The following SNX24 variants were observed in gnomAD, a reference collection of about 807,000 sequenced individuals.
The protein encoded by SNX24 is sorting nexin 24, also known as sorting nexin-24.
SNX24 carries 22 observed loss-of-function variants against 28.7 expected under a neutral mutation model. That is an observed-to-expected ratio of 0.77 (90% CI 0.55 to 1.10). The LOEUF (loss-of-function observed/expected upper bound fraction) is 1.10, where lower values mean the gene tolerates loss of function less well. Among genes scored for constraint, SNX24 ranks in the 50% least tolerant of loss-of-function variants. The probability of loss-of-function intolerance (pLI) is 0.00; values close to 1 mark genes in which losing one functional copy is unlikely to be tolerated. For synonymous variants in SNX24, 69 were observed against 71.5 expected (o/e 0.96, Z 0.18); for missense variants, 221 against 201.1 (o/e 1.10, Z -0.60).
In SNX24 at chr5:123,023,807, AACACACACAC is replaced by A. The variant is rs70988555; in HGVS notation, n.384-5410_384-5401del. 1.7e-4 allele frequency: 221 copies of A among 1,294,936 alleles called. 1 individual carries two copies. Among genetic ancestry groups the A allele is most frequent in the Admixed American group, 2.3e-4 (9 of 38,426 alleles). The allele number at this position is 1,294,936 out of a possible 1,614,324, so 80.2% of individuals were successfully genotyped here. ...AAAGCAAATAATTGAAAGACAACAC[AACACACACAC>A]ACACACACACACACACACACCCCTG... On this transcript the variant is annotated intron_variant and non_coding_transcript_variant, in intron 5 of 5. Transcript: ENST00000502387.
chr5:122,982,798 C>G (rs550847320), intron 3 of SNX24, among the ~76,000 whole-genome samples: 36 of 152,262 alleles, frequency 2.4e-4, no homozygotes, highest in Non-Finnish European at 5.0e-4. Flanking sequence ...AGAATAAAAA[C>G]TGACATTAAA....
chr5:122,857,733 C>G (rs1755266168), intron 1 of SNX24, among the ~76,000 whole-genome samples: 1 of 152,132 alleles, frequency 6.6e-6, no homozygotes, highest in African/African-American at 2.4e-5. Flanking sequence ...CTGCAAAGGA[C>G]ATTCTCTCAT....
intron 1 of SNX24, among the ~76,000 whole-genome samples, chr5:122,925,270 C>G (rs544599646): frequency 7.4e-6 from 1 of 135,616 alleles, no homozygotes; most frequent in South Asian, 2.9e-4. Flanking sequence ...TTCCCCTCCC[C>G]CTTCTCCTTT....
chr5:123,015,901 G>A (rs886990410), intron 5 of SNX24, among the ~76,000 whole-genome samples: 6 of 152,116 alleles, frequency 3.9e-5, no homozygotes, highest in African/African-American at 1.4e-4. Context: ...GCAGTCCAGT[G>A]CTCAGCAACT....
chr5:122,864,806 C>G (rs913045735), intron 1 of SNX24, among the ~76,000 whole-genome samples: 4 of 152,252 alleles, frequency 2.6e-5, no homozygotes, highest in African/African-American at 9.6e-5. Flanking sequence ...AGCTGCATGA[C>G]TCCTAAACCA....
intron 3 of SNX24, among the ~76,000 whole-genome samples, chr5:122,983,948 A>G (rs1334102380): frequency 6.6e-6 from 1 of 152,244 alleles, no homozygotes; most frequent in East Asian, 1.9e-4. Flanking sequence ...TCATCAGATT[A>G]CTAACAGAAG....
At chr5:122,942,957 A>T (rs1759525065) in intron 2 of SNX24, among the ~76,000 whole-genome samples, 1 of 152,174 alleles carries the variant, frequency 6.6e-6, no homozygotes, top group Admixed American at 6.5e-5. Flanking sequence ...AATTTTTTTT[A>T]AAAGGAGAGA....
intron 1 of SNX24, among the ~76,000 whole-genome samples, chr5:122,867,265 G>A (rs1184604147): frequency 6.6e-6 from 1 of 152,152 alleles, no homozygotes; most frequent in African/African-American, 2.4e-5. Context: ...CACTTCATTT[G>A]CTATGAAATC....
At chr5:122,850,723 T>C (rs553603273) in intron 1 of SNX24, among the ~76,000 whole-genome samples, 15 of 151,580 alleles carry the variant, frequency 9.9e-5, no homozygotes, top group African/African-American at 3.4e-4. Context: ...TATTTGATTT[T>C]GGAGTCTAGG....
intron 1 of SNX24, among the ~76,000 whole-genome samples, chr5:122,897,875 G>A (rs1280780564): frequency 6.6e-6 from 1 of 152,024 alleles, no homozygotes; most frequent in African/African-American, 2.4e-5. Context: ...TCCCTGTCCT[G>A]TTCACCCCTT....
intron 1 of SNX24, among the ~76,000 whole-genome samples, chr5:122,873,346 C>T (rs888261559): frequency 6.6e-6 from 1 of 152,112 alleles, no homozygotes; most frequent in Non-Finnish European, 1.5e-5. Context: ...TAGAAAAATT[C>T]TATGAAGCTG....
chr5:122,936,946 A>G (rs30042), intron 2 of SNX24, 129 bp downstream of exon 2: 371,547 of 476,220 alleles, frequency 0.78, 147,152 homozygotes, highest in East Asian at 1. Flanking sequence ...CTTTTATCAT[A>G]AAGTAAATTT....
At chr5:123,021,163 C>A (rs1345203596) in intron 5 of SNX24, among the ~76,000 whole-genome samples, 1 of 152,036 alleles carries the variant, frequency 6.6e-6, no homozygotes, top group African/African-American at 2.4e-5. Context: ...GCTGACCACC[C>A]CTTCACTGTC....
At chr5:122,867,658 G>T (rs1163966173) in intron 1 of SNX24, among the ~76,000 whole-genome samples, 1 of 152,150 alleles carries the variant, frequency 6.6e-6, no homozygotes, top group Non-Finnish European at 1.5e-5. Flanking sequence ...TGGTGACTGG[G>T]GAAAGAGGCT....
intron 3 of SNX24, among the ~76,000 whole-genome samples, chr5:122,959,300 G>T (rs187405): frequency 2.0e-5 from 3 of 148,076 alleles, no homozygotes; most frequent in Non-Finnish European, 1.5e-5. Flanking sequence ...TTTTTTTTTC[G>T]TGTATTCCAT....
Position 122,925,030 on chromosome 5 carries a change from C to G in SNX24, c.61-11704C>G, listed in dbSNP as rs188148916. Among the ~76,000 whole-genome samples the G allele has an allele frequency of 1.6e-3, 237 of 144,758 alleles. 3 individuals carry two copies. Among genetic ancestry groups the G allele is most frequent in the Admixed American group, 0.016 (229 of 14,394 alleles). 95.0% of individuals were successfully genotyped at this position (144,758 alleles called of 152,430 possible). Reference sequence around the variant, plus strand: ...CGTCTTCCCCTCCCCTTCTCCTTCTCTCCCCACATTCTCTACCCATCCTCC... The same window carrying G: ...CGTCTTCCCCTCCCCTTCTCCTTCTGTCCCCACATTCTCTACCCATCCTCC... On this transcript the variant is annotated intron_variant, in intron 1 of 6. Coordinates refer to ENST00000261369, the MANE Select transcript of SNX24 (RefSeq NM_014035.4).
At chr5:123,014,236 G>T (rs1052978340) in intron 5 of SNX24, among the ~76,000 whole-genome samples, 3 of 151,574 alleles carry the variant, frequency 2.0e-5, no homozygotes, top group African/African-American at 4.9e-5. Flanking sequence ...GCATGATCTC[G>T]GCTTACTGCA....
At chr5:123,022,207 T>C (rs1323489475) in intron 5 of SNX24, 1 of 152,196 alleles carries the variant, frequency 6.6e-6, no homozygotes, top group Non-Finnish European at 1.5e-5. Context: ...AAATATTTGT[T>C]GGAAAAAAAT....
chr5:122,973,709 T>C (rs1314424027), intron 3 of SNX24, among the ~76,000 whole-genome samples: 1 of 152,242 alleles, frequency 6.6e-6, no homozygotes, highest in Non-Finnish European at 1.5e-5. Flanking sequence ...ATCCTGCTCG[T>C]GATAGGCAGT....
Sources: allele counts gnomAD v4.1 joint callset (sites outside exome capture counted in the v4.1 genomes callset), GRCh38; gene constraint gnomAD v4.1.1; transcripts MANE v1.5; gene names NCBI Gene and HGNC (gene_info 2026-07-23, HGNC 2026-07-21).